Variants in ZNF407 observed in about 807,000 individuals in gnomAD.
ZNF407 encodes zinc finger protein 407.
ZNF407 carries 17 observed loss-of-function variants against 131.2 expected under a neutral mutation model. The ratio of observed to expected loss-of-function variants is 0.13; its 90% CI spans 0.09 to 0.19. The LOEUF is 0.19. Ranked by LOEUF, ZNF407 falls within the 10% of genes least tolerant of loss-of-function variation. ZNF407 has a pLI of 1.00. For missense variants in ZNF407, 2,681 were observed against 2,830.6 expected (o/e 0.95, Z 1.20); for synonymous variants, 1,156 against 1,062.0 (o/e 1.09, Z -1.72).
chr18:75,001,934 C>T (rs946483788), intron 8 of ZNF407, among the ~76,000 whole-genome samples: 2 of 152,146 alleles, frequency 1.3e-5, no homozygotes, highest in African/African-American at 4.8e-5. Flanking sequence ...TGGCCTTTAG[C>T]GGGTGGAGAC....
At chr18:74,629,096 T>C (rs925198252) in intron 1 of ZNF407, among the ~76,000 whole-genome samples, 4 of 152,256 alleles carry the variant, frequency 2.6e-5, no homozygotes, top group African/African-American at 9.6e-5. Flanking sequence ...CTGTGCTATA[T>C]GCTAGCACCA....
intron 4 of ZNF407, among the ~76,000 whole-genome samples, chr18:74,827,708 AT>A (rs1260228527): frequency 6.6e-6 from 1 of 152,198 alleles, no homozygotes; most frequent in African/African-American, 2.4e-5. Context: ...ATGCTAAGAA[AT>A]CCTTATGCCT....
Position 74,869,015 on chromosome 18 carries a change from T to A in ZNF407, c.4878-8182T>A, listed in dbSNP as rs1379905259. ...ATTGGTTGGTTGATAGAGAAGTAGCTGAACTATAATAATTTGAAGATGGTT... is the reference window on the plus strand; with the variant it reads ...ATTGGTTGGTTGATAGAGAAGTAGCAGAACTATAATAATTTGAAGATGGTT... On this transcript the variant is annotated intron_variant, in intron 4 of 8. Coordinates refer to ENST00000299687, the MANE Select transcript of ZNF407 (RefSeq NM_017757.3). Among the ~76,000 whole-genome samples, 4 of 152,208 alleles carry A rather than the reference T, an allele frequency of 2.6e-5. No individual in the cohort carries two copies. In the East Asian group the frequency reaches 7.7e-4, roughly 29 times the overall value.
At chr18:74,900,799 A>C (rs1568261626) in intron 7 of ZNF407, among the ~76,000 whole-genome samples, 1 of 152,168 alleles carries the variant, frequency 6.6e-6, no homozygotes. Flanking sequence ...GCTTATTCCA[A>C]GTAGTTATGA....
intron 3 of ZNF407, among the ~76,000 whole-genome samples, chr18:74,708,639 G>C (rs1967683153): frequency 6.6e-6 from 1 of 152,216 alleles, no homozygotes; most frequent in African/African-American, 2.4e-5. Context: ...GCTGGCTCCA[G>C]CCCTTTCTGG....
intron 8 of ZNF407, among the ~76,000 whole-genome samples, chr18:75,049,555 C>A (rs946919598): frequency 1.3e-5 from 2 of 152,088 alleles, no homozygotes; most frequent in Admixed American, 6.6e-5. Context: ...AAAAAGTGGT[C>A]GTTCAGGTTT....
chr18:74,679,714 A>G (rs1485481209), intron 3 of ZNF407, among the ~76,000 whole-genome samples: 2 of 152,182 alleles, frequency 1.3e-5, no homozygotes, highest in African/African-American at 2.4e-5. Context: ...TCCCCATCAT[A>G]TATCTTTTGG....
chr18:74,720,372 T>C (rs1216290843), intron 3 of ZNF407, among the ~76,000 whole-genome samples: 2 of 151,768 alleles, frequency 1.3e-5, no homozygotes, highest in African/African-American at 4.8e-5. Context: ...GCTATTGAGA[T>C]GTTTGAATTC....
chr18:74,849,930 A>C (rs1024929345), intron 4 of ZNF407, among the ~76,000 whole-genome samples: 1 of 152,236 alleles, frequency 6.6e-6, no homozygotes, highest in Non-Finnish European at 1.5e-5. Flanking sequence ...ATTAATGAAT[A>C]AGTATAACTT....
At chr18:74,753,825 G>A (rs556066374) in intron 3 of ZNF407, among the ~76,000 whole-genome samples, 4 of 151,422 alleles carry the variant, frequency 2.6e-5, no homozygotes, top group African/African-American at 9.7e-5. Flanking sequence ...CTTTTTTTTT[G>A]TTGTGTCTCT....
At chr18:74,863,380 G>A (rs942628186) in intron 4 of ZNF407, among the ~76,000 whole-genome samples, 1 of 151,694 alleles carries the variant, frequency 6.6e-6, no homozygotes, top group African/African-American at 2.4e-5. Context: ...TAGAAATTTG[G>A]GGAGATATAC....
chr18:74,810,659 G>A (rs1288141627), intron 4 of ZNF407, among the ~76,000 whole-genome samples: 1 of 152,084 alleles, frequency 6.6e-6, no homozygotes, highest in Admixed American at 6.6e-5. Flanking sequence ...TTTGTTTGTT[G>A]CCTCATAGTT....
At chr18:74,658,359 T>C (rs1599047148) in intron 3 of ZNF407, among the ~76,000 whole-genome samples, 1 of 152,272 alleles carries the variant, frequency 6.6e-6, no homozygotes, top group South Asian at 2.1e-4. Flanking sequence ...CCTCGTGATC[T>C]GCCCACCTCG....
At chr18:75,041,450 C>A (rs545349686) in intron 8 of ZNF407, among the ~76,000 whole-genome samples, 2 of 151,990 alleles carry the variant, frequency 1.3e-5, no homozygotes, top group Non-Finnish European at 2.9e-5. Flanking sequence ...CACACACACT[C>A]TCTCTCTCAC....
At chr18:74,891,580 T>C (rs1244952217) in intron 7 of ZNF407, among the ~76,000 whole-genome samples, 1 of 152,252 alleles carries the variant, frequency 6.6e-6, no homozygotes, top group Non-Finnish European at 1.5e-5. Flanking sequence ...TTTAACATTT[T>C]ATGAGTTCTG....
chr18:74,715,026 T>TG, intron 3 of ZNF407, among the ~76,000 whole-genome samples: 1 of 152,358 alleles, frequency 6.6e-6, no homozygotes, highest in Non-Finnish European at 1.5e-5. Context: ...CCTGCCTGTC[T>TG]GCCTGGACTG....
At chr18:74,820,525 G>A (rs1970326185) in intron 4 of ZNF407, among the ~76,000 whole-genome samples, 1 of 152,226 alleles carries the variant, frequency 6.6e-6, no homozygotes, top group African/African-American at 2.4e-5. Context: ...CTGTTTTGGT[G>A]CAAAGTGAAA....
At chr18:75,049,182 A>G (rs1599311468) in intron 8 of ZNF407, among the ~76,000 whole-genome samples, 1 of 152,016 alleles carries the variant, frequency 6.6e-6, no homozygotes, top group East Asian at 1.9e-4. Context: ...AACTAGGCAG[A>G]TTCAAATATC....
chr18:74,936,582 G>A (rs915023611), intron 8 of ZNF407, among the ~76,000 whole-genome samples: 5 of 152,170 alleles, frequency 3.3e-5, no homozygotes, highest in Admixed American at 1.3e-4. Context: ...AGAAGACTCC[G>A]TAAGGGGAAC....
Sources: allele counts gnomAD v4.1 joint callset (sites outside exome capture counted in the v4.1 genomes callset), GRCh38; gene constraint gnomAD v4.1.1; transcripts MANE v1.5; gene names NCBI Gene and HGNC (gene_info 2026-07-23, HGNC 2026-07-21).